Variants in PCDHGA1 observed in about 807,000 individuals in gnomAD.
PCDHGA1 encodes the protein protocadherin gamma-A1.
Under a neutral mutation model 58.0 loss-of-function variants are expected in PCDHGA1, and 32 were observed. The ratio of observed to expected loss-of-function variants is 0.55; its 90% confidence interval spans 0.42 to 0.74. The LOEUF (loss-of-function observed/expected upper bound fraction) is 0.74, where lower values mean the gene tolerates loss of function less well. Ranked by LOEUF, PCDHGA1 falls within the 30% of genes least tolerant of loss-of-function variation. PCDHGA1 has a pLI of 0.00. For synonymous variants in PCDHGA1, 498 were observed against 501.1 expected (o/e 0.99, Z 0.08); for missense variants, 1,205 against 1,182.3 (o/e 1.02, Z -0.28).
At position 141,489,720 on chromosome 5, in the gene PCDHGA1, G is replaced by T. The variant is rs560729125; in HGVS notation, c.2422-5087G>T. 1.9e-6 allele frequency: 3 copies of T among 1,614,200 alleles called. No individual in the cohort carries two copies. Among genetic ancestry groups the T allele is most frequent in the Middle Eastern group, 1.6e-4 (1 of 6,062 alleles). ...TCCCACTGGACAGTGCCCAGGATCC[G>T]GATGTGGGCACCAATACTGTGAGCT... On this transcript the variant is annotated intron_variant, in intron 1 of 3. Transcript: ENST00000517417. This position sits in a 1 kb window ranked among gnomAD's most constrained non-coding sequence, Gnocchi z 4.5.
chr5:141,440,330 G>A (rs1377511406), intron 1 of PCDHGA1: 1 of 152,162 alleles, frequency 6.6e-6, no homozygotes, highest in Non-Finnish European at 1.5e-5. Context: ...ACTGGGCATG[G>A]TGGTGCAGGC....
chr5:141,466,468 T>C (rs1266315455), intron 1 of PCDHGA1, among the ~76,000 whole-genome samples: 1 of 152,368 alleles, frequency 6.6e-6, no homozygotes, highest in East Asian at 1.9e-4. Flanking sequence ...TTGTTTCTGC[T>C]GTTAATTGTA....
chr5:141,510,307 G>C (rs1250172295), intron 3 of PCDHGA1, among the ~76,000 whole-genome samples: 1 of 151,446 alleles, frequency 6.6e-6, no homozygotes, highest in African/African-American at 2.4e-5. Context: ...TTTTGAAATG[G>C]AGGCTTGGAA....
chr5:141,464,773 C>G (rs576769467), intron 1 of PCDHGA1, among the ~76,000 whole-genome samples: 79 of 152,106 alleles, frequency 5.2e-4, no homozygotes, highest in African/African-American at 1.9e-3. Context: ...GAATCTTGTT[C>G]TGTTGCCCAG....
Position 141,376,232 on chromosome 5 carries a change from C to A in PCDHGA1, c.2421+43127C>A, listed in dbSNP as rs750982276. 6.7e-5 allele frequency: 108 copies of A among 1,614,106 alleles called. No homozygotes were observed. The highest frequency in any genetic ancestry group is 9.0e-5 in the Non-Finnish European group (106 of 1,180,056). ...CATCGTGCTGCTGGCGCTCAGACTG[C>A]AGCGCTGGCACAAGTCACGCCTGCT... is the stretch of plus-strand genomic sequence containing the variant. On this transcript the variant is annotated intron_variant, in intron 1 of 3. Coordinates refer to ENST00000517417, the MANE Select transcript of PCDHGA1 (RefSeq NM_018912.3).
intron 1 of PCDHGA1, chr5:141,428,149 G>A (rs1048150182): frequency 8.8e-6 from 14 of 1,586,676 alleles, no homozygotes; most frequent in African/African-American, 1.3e-5. Flanking sequence ...CTGCACACGG[G>A]AACCTGCTGG....
chr5:141,350,741 G>C, intron 1 of PCDHGA1: 1 of 1,613,944 alleles, frequency 6.2e-7, no homozygotes, highest in South Asian at 1.1e-5. Flanking sequence ...AGATGTGGAA[G>C]GCAATTCACT....
At chr5:141,450,006 C>CTATTTTTTTTTTTT (rs70988802) in intron 1 of PCDHGA1, among the ~76,000 whole-genome samples, 1 of 132,966 alleles carries the variant, frequency 7.5e-6, no homozygotes, top group Non-Finnish European at 1.6e-5. Flanking sequence ...TGCCATGTCT[C>CTATTTTTTTTTTTT]TTTTTTTTTT....
chr5:141,385,109 C>T (rs931773405), intron 1 of PCDHGA1: 5 of 1,614,174 alleles, frequency 3.1e-6, no homozygotes, highest in Non-Finnish European at 4.2e-6. Flanking sequence ...AACGTGCCCA[C>T]CTCGCACTTT....
chr5:141,351,795 C>G, intron 1 of PCDHGA1: 1 of 1,613,360 alleles, frequency 6.2e-7, no homozygotes, highest in South Asian at 1.1e-5. Flanking sequence ...GTGGTGTTCG[C>G]GCAGCGCGCC....
chr5:141,427,994 C>T, intron 1 of PCDHGA1: 1 of 1,599,396 alleles, frequency 6.3e-7, no homozygotes, highest in Non-Finnish European at 8.6e-7. Flanking sequence ...CCGATGGCTC[C>T]GCACTCTTCG....
chr5:141,431,440 C>T lies in PCDHGA1; in HGVS notation c.2422-63367C>T. ...ACCCGGTGCGCACAGGCACCGCGCG[C>T]ATCCGCGTGATGGTTCTGGATGCGA... is the stretch of plus-strand genomic sequence containing the variant. On this transcript the variant is annotated intron_variant, in intron 1 of 3. Transcript: ENST00000517417. The surrounding 1 kb of genome is among the most constrained non-coding windows in gnomAD (Gnocchi z 4.8). 6.2e-7 allele frequency: 1 copy of T among 1,613,754 alleles called. No homozygotes were observed.
At chr5:141,408,687 T>C (rs1394182828) in intron 1 of PCDHGA1, 3 of 1,613,928 alleles carry the variant, frequency 1.9e-6, no homozygotes, top group East Asian at 2.2e-5. Flanking sequence ...GATCCTGATA[T>C]AAACATAAAC....
intron 1 of PCDHGA1, chr5:141,389,202 A>G (rs2091644944): frequency 6.2e-6 from 10 of 1,613,852 alleles, no homozygotes; most frequent in Non-Finnish European, 8.5e-6. Context: ...CACCCTGCAC[A>G]TTGGTGATGT....
At chr5:141,505,563 T>C in intron 3 of PCDHGA1, 82 bp downstream of exon 3, 1 of 1,603,814 alleles carries the variant, frequency 6.2e-7, no homozygotes, top group Non-Finnish European at 8.5e-7. Flanking sequence ...GCCCACGGAC[T>C]GGATGTCAAA....
chr5:141,386,345 AG>A (rs2090538065), intron 1 of PCDHGA1, among the ~76,000 whole-genome samples: 1 of 152,200 alleles, frequency 6.6e-6, no homozygotes, highest in Admixed American at 6.5e-5. Context: ...GTGGATGACA[AG>A]GTAATCTTGA....
chr5:141,505,590 A>G, intron 3 of PCDHGA1, 109 bp downstream of exon 3: 1 of 1,571,996 alleles, frequency 6.4e-7, no homozygotes, highest in East Asian at 2.3e-5. Context: ...TAGTTTCTCC[A>G]GATCTTTCGG....
rs755304704 is a variant in PCDHGA1, at chr5:141,360,490, A to G, written c.2421+27385A>G. 2.5e-6 allele frequency: 4 copies of G among 1,614,010 alleles called. No individual in the cohort carries two copies. The South Asian group carries it at 3.3e-5, about 13-fold the overall frequency. On this transcript the variant is annotated intron_variant, in intron 1 of 3. Coordinates refer to ENST00000517417, the MANE Select transcript of PCDHGA1 (RefSeq NM_018912.3). ...TGAAAATCCACTAAATATTTTCTACATAGCAGTAATTGTGCAGGATATAAA... is the reference window on the plus strand; with the variant it reads ...TGAAAATCCACTAAATATTTTCTACGTAGCAGTAATTGTGCAGGATATAAA...
chr5:141,428,536 A>G (rs981530261), intron 1 of PCDHGA1: 1 of 273,778 alleles, frequency 3.7e-6, no homozygotes, highest in Non-Finnish European at 7.2e-6. Flanking sequence ...TTTTCTCACC[A>G]TGACACCAGA....
Sources: allele counts gnomAD v4.1 joint callset (sites outside exome capture counted in the v4.1 genomes callset), GRCh38; gene constraint gnomAD v4.1.1; non-coding constraint Gnocchi (gnomAD v3.1); transcripts MANE v1.5; gene names NCBI Gene and HGNC (gene_info 2026-07-23, HGNC 2026-07-21).